Variants in PCDH15 observed in about 807,000 individuals in gnomAD.
PCDH15 encodes protocadherin-15.
PCDH15 carries 129 observed loss-of-function variants against 178.5 expected under a neutral mutation model. The ratio of observed to expected loss-of-function variants is 0.72; its 90% CI spans 0.63 to 0.84. The LOEUF (loss-of-function observed/expected upper bound fraction) is 0.84. Ranked by LOEUF, PCDH15 falls within the 40% of genes least tolerant of loss-of-function variation. The pLI is 0.00. For missense variants in PCDH15, 2,230 were observed against 2,099.9 expected, an observed-to-expected ratio of 1.06 and a Z score of -1.21; for synonymous variants, 800 against 732.0, an observed-to-expected ratio of 1.09 and a Z score of -1.50.
At chr10:55,158,027 G>C (rs1838942265) in intron 2 of PCDH15, among the ~76,000 whole-genome samples, 1 of 150,454 alleles carries the variant, frequency 6.6e-6, no homozygotes, top group Non-Finnish European at 1.5e-5. Flanking sequence ...ATGCTCTATA[G>C]TTCCAAAACA....
At chr10:54,464,250 G>C (rs1348069619) in intron 3 of PCDH15, among the ~76,000 whole-genome samples, 1 of 152,072 alleles carries the variant, frequency 6.6e-6, no homozygotes, top group African/African-American at 2.4e-5. Flanking sequence ...AATGCAACAA[G>C]GGCACAGTTG....
intron 11 of PCDH15, among the ~76,000 whole-genome samples, chr10:54,185,796 T>C (rs1000634129): frequency 2.0e-5 from 3 of 152,072 alleles, no homozygotes; most frequent in Non-Finnish European, 2.9e-5. Context: ...AATATCATGC[T>C]TACTCTTTCT....
intron 6 of PCDH15, among the ~76,000 whole-genome samples, chr10:54,340,947 CT>C (rs2134072123): frequency 6.6e-6 from 1 of 152,306 alleles, no homozygotes; most frequent in African/African-American, 2.4e-5. Flanking sequence ...CATTTTGCCT[CT>C]TAACGTGCAT....
intron 26 of PCDH15, among the ~76,000 whole-genome samples, chr10:53,871,764 T>C (rs1421135844): frequency 6.6e-6 from 1 of 151,284 alleles, no homozygotes; most frequent in Admixed American, 6.6e-5. Context: ...TGTTTTGTTT[T>C]GTTTTTGAGA....
At chr10:54,393,827 A>G (rs538315901) in intron 3 of PCDH15, among the ~76,000 whole-genome samples, 2 of 152,162 alleles carry the variant, frequency 1.3e-5, no homozygotes, top group African/African-American at 4.8e-5. Context: ...TAAGTTTCTC[A>G]TTATATACAA....
chr10:53,918,192 AG>A (rs2083688103), intron 25 of PCDH15, among the ~76,000 whole-genome samples: 1 of 152,222 alleles, frequency 6.6e-6, no homozygotes, highest in Non-Finnish European at 1.5e-5. Flanking sequence ...TCTTTCTTGA[AG>A]AGTTTCTCTA....
intron 2 of PCDH15, among the ~76,000 whole-genome samples, chr10:54,617,497 C>T (rs752169786): frequency 3.7e-4 from 56 of 151,952 alleles, no homozygotes; most frequent in Admixed American, 1.3e-3. Flanking sequence ...ATAAGGTCTT[C>T]TATACAGCTA....
At chr10:55,343,466 C>G (rs1336426788) in intron 2 of PCDH15, among the ~76,000 whole-genome samples, 1 of 152,054 alleles carries the variant, frequency 6.6e-6, no homozygotes, top group Non-Finnish European at 1.5e-5. Context: ...TTTACTCAGG[C>G]TTCTTTTTTC....
At chr10:55,602,954 A>C (rs10825558) in intron 2 of PCDH15, among the ~76,000 whole-genome samples, 49,934 of 151,820 alleles carry the variant, frequency 0.33, 8,674 homozygotes, top group East Asian at 0.49. Flanking sequence ...TACGGGAGGA[A>C]ATTCAAACGA....
At chr10:54,514,411 T>C (rs1258107668) in intron 3 of PCDH15, among the ~76,000 whole-genome samples, 3 of 152,014 alleles carry the variant, frequency 2.0e-5, no homozygotes, top group African/African-American at 7.2e-5. Flanking sequence ...TTTAGGATTA[T>C]GTGAAAGGAT....
intron 8 of PCDH15, among the ~76,000 whole-genome samples, chr10:54,248,271 AGAAACTTAT>A (rs1404698230): frequency 1.3e-5 from 2 of 151,980 alleles, no homozygotes; most frequent in Non-Finnish European, 2.9e-5. Flanking sequence ...GCTTCAAATG[AGAAACTTAT>A]GAATTAAATT....
chr10:54,691,071 A>G (rs1049038515), intron 1 of PCDH15, among the ~76,000 whole-genome samples: 1 of 152,170 alleles, frequency 6.6e-6, no homozygotes, highest in Non-Finnish European at 1.5e-5. Context: ...AATATGTTTT[A>G]ATTATCAATT....
At chr10:54,349,568 T>C (rs192172387) in intron 5 of PCDH15, among the ~76,000 whole-genome samples, 317 of 152,334 alleles carry the variant, frequency 2.1e-3, no homozygotes, top group Admixed American at 5.9e-3. Context: ...TATATTACCA[T>C]CAAGTAATAT....
In PCDH15 at chr10:55,125,379, G is replaced by A. The variant is rs562207406; in HGVS notation, c.-80+41197C>T. 5.3e-5 allele frequency among the ~76,000 whole-genome samples: 8 copies of A among 152,096 alleles called. No individual in the cohort carries two copies. The East Asian group carries it at 1.2e-3, about 22-fold the overall frequency. ...GGGACACACTCCATCCCAGGGTGAC[G>A]TCTCCTTCTCTGGAGAGGCATTCAA... On this transcript the variant is annotated intron_variant, in intron 2 of 5. Transcript: ENST00000458638.
intron 3 of PCDH15, among the ~76,000 whole-genome samples, chr10:54,520,016 A>G (rs2082676197): frequency 6.6e-6 from 1 of 152,248 alleles, no homozygotes; most frequent in South Asian, 2.1e-4. Flanking sequence ...CCATATGTAG[A>G]AAGCTGAAAC....
chr10:55,122,215 T>C (rs1837789476), intron 2 of PCDH15, among the ~76,000 whole-genome samples: 1 of 152,206 alleles, frequency 6.6e-6, no homozygotes, highest in Non-Finnish European at 1.5e-5. Context: ...AATATGGTCA[T>C]GGGATTTTCT....
At chr10:55,529,995 C>G (rs970581267) in intron 2 of PCDH15, among the ~76,000 whole-genome samples, 41 of 151,142 alleles carry the variant, frequency 2.7e-4, no homozygotes, top group Admixed American at 2.7e-3. Context: ...CATAAAAAAA[C>G]AATTACCTGA....
At chr10:53,897,166 G>A (rs1159936243) in intron 26 of PCDH15, among the ~76,000 whole-genome samples, 1 of 144,080 alleles carries the variant, frequency 6.9e-6, no homozygotes, top group Non-Finnish European at 1.5e-5. Context: ...ATTGTGGGGA[G>A]GCTTTTTCAA....
At chr10:54,273,062 G>C (rs879484251) in intron 8 of PCDH15, among the ~76,000 whole-genome samples, 1 of 152,010 alleles carries the variant, frequency 6.6e-6, no homozygotes, top group Non-Finnish European at 1.5e-5. Context: ...AGAGGTTAAG[G>C]AAACTGTTTT....
Sources: gnomAD v4.1 joint callset for allele counts (sites outside exome capture counted in the v4.1 genomes callset) on GRCh38, gnomAD v4.1.1 for gene constraint, MANE v1.5 for transcripts, NCBI Gene and HGNC (gene_info 2026-07-23, HGNC 2026-07-21) for gene names.